EPM2A: variants seen among roughly 807,000 people sequenced by gnomAD.
EPM2A encodes the protein EPM2A glucan phosphatase, laforin.
EPM2A carries 21 observed loss-of-function variants against 26.5 expected under a neutral mutation model. The ratio of observed to expected loss-of-function variants is 0.79; its 90% CI spans 0.56 to 1.14. The LOEUF is 1.14. Ranked by LOEUF, EPM2A falls within the 50% of genes most tolerant of loss-of-function variation. The pLI is 0.00. For synonymous variants in EPM2A, 217 were observed against 177.6 expected, an observed-to-expected ratio of 1.22 and a Z score of -1.76; for missense variants, 458 against 440.8, an observed-to-expected ratio of 1.04 and a Z score of -0.35.
intron 2 of EPM2A, chr6:145,640,569 T>G (rs1048883861): frequency 4.6e-5 from 7 of 152,106 alleles, no homozygotes; most frequent in Non-Finnish European, 1.0e-4. Context: ...AGCTAAGAAT[T>G]TAAAAGGAAA....
rs534000236 is a variant in EPM2A at position 145,675,382 on chromosome 6, G to A, written c.476+10740C>T. Among the ~76,000 whole-genome samples, 12 of 152,228 alleles carry A rather than the reference G, an allele frequency of 7.9e-5. No homozygotes were observed. The South Asian group carries it at 2.5e-3, about 32-fold the overall frequency. Reference sequence around the variant, plus strand: ...CTATGAAGAAACTGCATCAATTAATGGGCAAAATAACCAGCTAACATCATA... The same window carrying A: ...CTATGAAGAAACTGCATCAATTAATAGGCAAAATAACCAGCTAACATCATA... On this transcript the variant is annotated intron_variant, in intron 2 of 3. Coordinates refer to ENST00000367519, the MANE Select transcript of EPM2A (RefSeq NM_005670.4).
downstream of EPM2A, among the ~76,000 whole-genome samples, chr6:145,499,185 A>T (rs2114749203): frequency 6.6e-6 from 1 of 152,326 alleles, no homozygotes; most frequent in East Asian, 1.9e-4. Context: ...ATGAAGAAAA[A>T]AATTAACATG....
chr6:145,579,535 A>C (rs1781083965), intron 2 of EPM2A, among the ~76,000 whole-genome samples: 1 of 152,190 alleles, frequency 6.6e-6, no homozygotes, highest in South Asian at 2.1e-4. Context: ...GTTTCTTTGA[A>C]CAATGATAGC....
downstream of EPM2A, among the ~76,000 whole-genome samples, chr6:145,500,614 A>G (rs1344575593): frequency 2.0e-5 from 3 of 152,104 alleles, no homozygotes; most frequent in Non-Finnish European, 4.4e-5. Flanking sequence ...GCTACACCAA[A>G]TTTGCTCATA....
chr6:145,448,546 G>A (rs1279041795), intron 4 of EPM2A, among the ~76,000 whole-genome samples: 1 of 152,118 alleles, frequency 6.6e-6, no homozygotes, highest in Non-Finnish European at 1.5e-5. Flanking sequence ...GTTAATGCAA[G>A]GGGAGAACTT....
chr6:145,502,535 C>A (rs544799159), exon 3 of EPM2A: 43 of 470,566 alleles, frequency 9.1e-5, no homozygotes, highest in South Asian at 3.4e-4. Flanking sequence ...CAGTCTCTTC[C>A]CACATCCCCG....
rs145954231 is a variant in EPM2A, at chr6:145,678,617, G to C, written c.476+7505C>G. 3.3e-5 allele frequency among the ~76,000 whole-genome samples: 5 copies of C among 152,280 alleles called. No individual in the cohort carries two copies. In the East Asian group the frequency reaches 9.6e-4, roughly 29 times the overall value. ...TATGAACAGACACTTCTCAAAAGGA[G>C]ACATTTATGCAGCCAACAGACACAT... On this transcript the variant is annotated intron_variant, in intron 2 of 3. Coordinates refer to ENST00000367519, the MANE Select transcript of EPM2A (RefSeq NM_005670.4).
intron 2 of EPM2A, among the ~76,000 whole-genome samples, chr6:145,662,371 T>C (rs1334274034): frequency 6.6e-6 from 1 of 152,234 alleles, no homozygotes; most frequent in Non-Finnish European, 1.5e-5. Flanking sequence ...TCTTTCCTGA[T>C]TGATCATTAA....
chr6:145,590,221 A>G (rs1781254069), intron 2 of EPM2A, among the ~76,000 whole-genome samples: 2 of 152,126 alleles, frequency 1.3e-5, no homozygotes, highest in Non-Finnish European at 2.9e-5. Context: ...TTTTACCTCT[A>G]GGAATCTCAA....
rs141630003 is a variant in EPM2A, at chr6:145,649,897, G to A, written c.477-14411C>T. 4.4e-3 allele frequency among the ~76,000 whole-genome samples: 666 copies of A among 152,180 alleles called. 5 individuals are homozygous for A. The highest frequency in any genetic ancestry group is 0.014 in the African/African-American group (575 of 41,500). ...CCCTGCCTTAGATGTATAATGTGTC[G>A]GGAAACCCATAGCTCTACCCCATAG... On this transcript the variant is annotated intron_variant, in intron 2 of 3. Transcript: ENST00000367519.
chr6:145,452,487 TACAAAAAAAAAAAAA>T (rs1779208594), intron 4 of EPM2A, among the ~76,000 whole-genome samples: 1 of 9,712 alleles, frequency 1.0e-4, no homozygotes, highest in Non-Finnish European at 1.8e-4. Flanking sequence ...CTACTAAAAA[TACAAAAAAAAAAAAA>T]AAAAAAAAAA....
chr6:145,588,532 T>C (rs542855256), intron 2 of EPM2A, among the ~76,000 whole-genome samples: 1 of 152,328 alleles, frequency 6.6e-6, no homozygotes, highest in South Asian at 2.1e-4. Context: ...AGAAAAATGT[T>C]AAAGTATGAA....
intron 4 of EPM2A, among the ~76,000 whole-genome samples, chr6:145,402,899 G>A (rs76142479): frequency 1.7e-3 from 265 of 152,164 alleles, no homozygotes; most frequent in African/African-American, 6.1e-3. Context: ...GAAGTGAGAC[G>A]TCTATTCTAA....
intron 4 of EPM2A, among the ~76,000 whole-genome samples, chr6:145,495,647 A>G (rs1359670928): frequency 6.6e-6 from 1 of 152,138 alleles, no homozygotes; most frequent in Non-Finnish European, 1.5e-5. Context: ...ACACAATCTC[A>G]GCTCACTGCA....
chr6:145,729,526 T>C (rs1034316680), intron 1 of EPM2A, among the ~76,000 whole-genome samples: 3 of 152,244 alleles, frequency 2.0e-5, no homozygotes, highest in African/African-American at 2.4e-5. Context: ...TAAGATTTTA[T>C]GGCTGCTCTG....
intron 4 of EPM2A, among the ~76,000 whole-genome samples, chr6:145,413,572 A>G (rs1196718543): frequency 6.6e-6 from 1 of 152,100 alleles, no homozygotes; most frequent in African/African-American, 2.4e-5. Flanking sequence ...GAGCCCCTTC[A>G]GCACTCAGGG....
intron 1 of EPM2A, among the ~76,000 whole-genome samples, chr6:145,728,146 G>A (rs2128643580): frequency 6.6e-6 from 1 of 152,216 alleles, no homozygotes; most frequent in Non-Finnish European, 1.5e-5. Flanking sequence ...AGTCAATTAA[G>A]CTTCTTTTCT....
At chr6:145,542,311 A>G (rs1348882188) in intron 2 of EPM2A, among the ~76,000 whole-genome samples, 1 of 152,178 alleles carries the variant, frequency 6.6e-6, no homozygotes, top group Non-Finnish European at 1.5e-5. Flanking sequence ...TTCAAAAAGA[A>G]AGTTATGGCA....
In EPM2A at chr6:145,425,982, A is replaced by G. The variant is rs1025933977; in HGVS notation, c.556-41885T>C. 1.2e-4 allele frequency among the ~76,000 whole-genome samples: 18 copies of G among 152,244 alleles called. 1 individual carries two copies. Among genetic ancestry groups the G allele is most frequent in the African/African-American group, 3.6e-4 (15 of 41,468 alleles). The stretch of plus-strand genomic sequence containing the variant: ...AATCCATTGTTAGATATTTTAAATT[A>G]TCTATTTAAAAAGCCTCTGTAGGAA... On this transcript the variant is annotated intron_variant, in intron 4 of 4. Coordinates refer to the EPM2A transcript ENST00000638717.
Sources: gnomAD v4.1 joint callset for allele counts (sites outside exome capture counted in the v4.1 genomes callset) on GRCh38, gnomAD v4.1.1 for gene constraint, MANE v1.5 for transcripts, NCBI Gene and HGNC (gene_info 2026-07-23, HGNC 2026-07-21) for gene names.